The following PPP1R12B variants were observed in gnomAD, a reference collection of about 807,000 sequenced individuals.
PPP1R12B encodes the protein myosin phosphatase target subunit 2.
A neutral mutation model predicts 126.1 loss-of-function variants in PPP1R12B; 76 were observed. That is an observed-to-expected ratio of 0.60 (90% CI 0.50 to 0.73). The LOEUF (loss-of-function observed/expected upper bound fraction) is 0.73. Among genes scored for constraint, PPP1R12B ranks in the 30% least tolerant of loss-of-function variants. The pLI is 0.00. For synonymous variants in PPP1R12B, 356 were observed against 434.7 expected, an observed-to-expected ratio of 0.82 and a Z score of 2.25; for missense variants, 1,052 against 1,205.1, an observed-to-expected ratio of 0.87 and a Z score of 1.88.
Position 202,442,520 on chromosome 1 carries a change from G to T in PPP1R12B, c.1615G>T (p.Glu539Ter). ...QLWRDEAKGN[E>*]IPQTIAPSTY... ...ATGGAGGGATGAAGCAAAAGGAAAT[G>T]AAATCCCACAGACAATTGCTCCCTC... Residue 539 changes from glutamate (E) to a stop codon, truncating the protein, a stop_gained, in exon 12 of 24, where the codon GAA becomes TAA. Transcript: ENST00000608999. LOFTEE classifies it high-confidence loss of function. 6.2e-7 allele frequency: 1 copy of T among 1,613,754 alleles called. No individual in the cohort carries two copies. The highest frequency in any genetic ancestry group is 8.5e-7 in the Non-Finnish European group (1 of 1,179,850).
intron 18 of PPP1R12B, among the ~76,000 whole-genome samples, chr1:202,522,491 A>G (rs1682879999): frequency 6.6e-6 from 1 of 152,192 alleles, no homozygotes; most frequent in Admixed American, 6.5e-5. Flanking sequence ...AGTAGGGGAA[A>G]GAGAAAAGAT....
chr1:202,426,952 A>T, intron 4 of PPP1R12B, 88 bp from the exon 5 acceptor site: 2 of 1,521,136 alleles, frequency 1.3e-6, no homozygotes, highest in Admixed American at 4.5e-5. Flanking sequence ...CAGGGCCAAA[A>T]TCTGAAATAT....
chr1:202,355,166 A>G (rs912654181), intron 1 of PPP1R12B, among the ~76,000 whole-genome samples: 2 of 151,714 alleles, frequency 1.3e-5, no homozygotes, highest in African/African-American at 2.4e-5. Flanking sequence ...CAGCCTCCCA[A>G]AGTGCTGGGA....
intron 1 of PPP1R12B, among the ~76,000 whole-genome samples, chr1:202,371,858 CTTTTT>C (rs1193939057): frequency 8.0e-5 from 6 of 75,356 alleles, no homozygotes; most frequent in South Asian, 1.2e-3. Context: ...ATTATAGTTT[CTTTTT>C]TTTTTTTTTT....
At chr1:202,444,789 G>A (rs571766028) in intron 12 of PPP1R12B, among the ~76,000 whole-genome samples, 97 of 151,552 alleles carry the variant, frequency 6.4e-4, no homozygotes, top group African/African-American at 2.1e-3. Context: ...CTTCCTCCAC[G>A]TTCCTTCACT....
rs149642134 is a variant in PPP1R12B, at chr1:202,389,536, C to T, written c.292-27251C>T. ...GCAGGCGCCTGTGGTCCCAGCTACT[C>T]GGGAGGCTGAGGCAGAACTGCGTGA... On this transcript the variant is annotated intron_variant, in intron 1 of 23. Coordinates refer to ENST00000608999, the MANE Select transcript of PPP1R12B (RefSeq NM_002481.4). Among the ~76,000 whole-genome samples the T allele has an allele frequency of 7.3e-3, 1,103 of 151,674 alleles. 13 individuals carry two copies. Among genetic ancestry groups the T allele is most frequent in the African/African-American group, 0.025 (1,044 of 41,316 alleles).
At chr1:202,438,277 C>A in intron 10 of PPP1R12B, 18 of 1,569,126 alleles carry the variant, frequency 1.1e-5, no homozygotes, top group Non-Finnish European at 1.6e-5. Context: ...CTTCCTTGCC[C>A]CCTTACCTAA....
intron 1 of PPP1R12B, among the ~76,000 whole-genome samples, chr1:202,389,667 G>A (rs1309413395): frequency 6.6e-6 from 1 of 151,172 alleles, no homozygotes. Context: ...GGCCGGGCGA[G>A]GTGGCTAATC....
chr1:202,564,290 T>G (rs535006741), intron 20 of PPP1R12B, among the ~76,000 whole-genome samples, 153 bp from the exon 21 acceptor site: 1 of 152,290 alleles, frequency 6.6e-6, no homozygotes, highest in African/African-American at 2.4e-5. Flanking sequence ...AAGAGACCAG[T>G]TGGCTGAATG....
chr1:202,379,468 AC>A (rs1661861369), intron 1 of PPP1R12B, among the ~76,000 whole-genome samples: 1 of 152,072 alleles, frequency 6.6e-6, no homozygotes, highest in Non-Finnish European at 1.5e-5. Context: ...CCCCATCTCC[AC>A]CGTCTACTGA....
rs1181060896 is a variant in PPP1R12B at position 202,417,499 on chromosome 1, C to G, written c.422+582C>G. Reference sequence around the variant, plus strand: ...TCTCCAGGACAACTAGTTGCCCCTCCCGTGGGCAGAAGAATCCTGACCATG... The same window carrying G: ...TCTCCAGGACAACTAGTTGCCCCTCGCGTGGGCAGAAGAATCCTGACCATG... On this transcript the variant is annotated intron_variant, in intron 2 of 23. Transcript: ENST00000608999. The G allele has an allele frequency of 2.8e-5, 21 of 742,762 alleles. No individual in the cohort carries two copies. The South Asian group carries it at 7.9e-4, about 28-fold the overall frequency. The allele number at this position is 742,762 out of a possible 1,614,324, so 46.0% of individuals were successfully genotyped here. A position where few individuals can be genotyped will look rare whatever the true frequency, so the allele number is the denominator to read the frequency against.
intron 1 of PPP1R12B, among the ~76,000 whole-genome samples, chr1:202,368,457 C>G (rs1354029761): frequency 1.3e-5 from 2 of 152,204 alleles, no homozygotes; most frequent in African/African-American, 4.8e-5. Context: ...AATTAAATCT[C>G]TTTTTTTAAT....
intron 1 of PPP1R12B, among the ~76,000 whole-genome samples, chr1:202,356,494 T>G (rs148525419): frequency 0.012 from 1,899 of 152,268 alleles, 49 homozygotes; most frequent in African/African-American, 0.043. Context: ...CATGTAAATA[T>G]GTTACCTTAC....
At chr1:202,418,035 T>C (rs1196934058) in intron 2 of PPP1R12B, among the ~76,000 whole-genome samples, 1 of 152,110 alleles carries the variant, frequency 6.6e-6, no homozygotes, top group Non-Finnish European at 1.5e-5. Flanking sequence ...GATGACTGGG[T>C]TGGCCCCAAA....
intron 1 of PPP1R12B, among the ~76,000 whole-genome samples, chr1:202,379,451 C>T (rs189948218): frequency 2.4e-4 from 37 of 152,240 alleles, no homozygotes; most frequent in Non-Finnish European, 4.0e-4. Flanking sequence ...TGATTTGCTC[C>T]CTCCGTCCCC....
chr1:202,456,041 G>A (rs1008520576), intron 13 of PPP1R12B, among the ~76,000 whole-genome samples: 2 of 152,090 alleles, frequency 1.3e-5, no homozygotes, highest in African/African-American at 2.4e-5. Context: ...GGCTGAGGGG[G>A]TTGGATCACT....
At chr1:202,377,129 TAAC>T (rs1473570068) in intron 1 of PPP1R12B, among the ~76,000 whole-genome samples, 1 of 152,170 alleles carries the variant, frequency 6.6e-6, no homozygotes, top group Non-Finnish European at 1.5e-5. Context: ...ATGAAAACAG[TAAC>T]AACTAGCTGT....
At chr1:202,394,695 G>A (rs1426268760) in intron 1 of PPP1R12B, among the ~76,000 whole-genome samples, 2 of 151,852 alleles carry the variant, frequency 1.3e-5, no homozygotes, top group African/African-American at 2.4e-5. Context: ...CGGACGTTGC[G>A]GTGAGCCGAA....
In PPP1R12B at chr1:202,430,175, C is replaced by T. The variant is rs559072927; in HGVS notation, c.922-556C>T. Among the ~76,000 whole-genome samples, 5 of 152,228 alleles carry T rather than the reference C, an allele frequency of 3.3e-5. No homozygotes were observed. In the East Asian group the frequency reaches 7.7e-4, roughly 23 times the overall value. On this transcript the variant is annotated intron_variant, in intron 6 of 23. Coordinates refer to ENST00000608999, the MANE Select transcript of PPP1R12B (RefSeq NM_002481.4). ...ATAGAGAGTTCCTGTGTATTCTGTA[C>T]CTAGCATGGTAAGGTTTTTGAACAT... is the stretch of plus-strand genomic sequence containing the variant.
Sources: gnomAD v4.1 joint callset for allele counts (sites outside exome capture counted in the v4.1 genomes callset) on GRCh38, gnomAD v4.1.1 for gene constraint, MANE v1.5 for transcripts, NCBI Gene and HGNC (gene_info 2026-07-23, HGNC 2026-07-21) for gene names.